Variants in KCNK1 observed in about 807,000 individuals in gnomAD.
KCNK1 encodes the protein potassium two pore domain channel subfamily K member 1, also known as potassium channel subfamily K member 1.
KCNK1 carries 10 observed loss-of-function variants against 22.2 expected under a neutral mutation model. The observed-to-expected ratio is 0.45, with a 90% CI of 0.28 to 0.76. KCNK1 has a LOEUF of 0.76. Ranked by LOEUF, KCNK1 falls within the 30% of genes least tolerant of loss-of-function variation. The pLI, the probability that KCNK1 is intolerant of heterozygous loss-of-function variation, is 0.14. For synonymous variants in KCNK1, 200 were observed against 186.4 expected (o/e 1.07, Z -0.60); for missense variants, 378 against 421.0 (o/e 0.90, Z 0.89).
chr1:233,626,701 G>A (rs567705840), intron 1 of KCNK1, among the ~76,000 whole-genome samples: 13 of 152,126 alleles, frequency 8.5e-5, no homozygotes, highest in African/African-American at 1.2e-4. Flanking sequence ...TAACAACAGC[G>A]TTAAATACTT....
intron 1 of KCNK1, among the ~76,000 whole-genome samples, chr1:233,621,155 A>AGTATTTCAAAATGTGACT (rs1385359196): frequency 6.6e-6 from 1 of 152,236 alleles, no homozygotes. Context: ...TTCTACCCTC[A>AGTATTTCAAAATGTGACT]GTATTTCAAA....
chr1:233,656,603 ATTATT>A (rs1411297564), intron 1 of KCNK1, among the ~76,000 whole-genome samples: 3 of 152,148 alleles, frequency 2.0e-5, no homozygotes, highest in Non-Finnish European at 4.4e-5. Flanking sequence ...CAAAGCTTCA[ATTATT>A]TATTTCTTTA....
chr1:233,628,626 G>C (rs1371109486), intron 1 of KCNK1, among the ~76,000 whole-genome samples: 1 of 152,024 alleles, frequency 6.6e-6, no homozygotes, highest in Admixed American at 6.5e-5. Flanking sequence ...CAGGCGTGGT[G>C]GTGGGTGCCT....
chr1:233,635,676 A>C (rs1299262519), intron 1 of KCNK1, among the ~76,000 whole-genome samples: 1 of 152,168 alleles, frequency 6.6e-6, no homozygotes, highest in Non-Finnish European at 1.5e-5. Context: ...ATTTATTCAT[A>C]CTTGGGCAAA....
At chr1:233,646,135 G>T (rs1465179045) in intron 1 of KCNK1, among the ~76,000 whole-genome samples, 2 of 152,164 alleles carry the variant, frequency 1.3e-5, no homozygotes, top group African/African-American at 4.8e-5. Flanking sequence ...CACATTCAAG[G>T]TGGAAGTTTG....
intron 2 of KCNK1, among the ~76,000 whole-genome samples, chr1:233,667,415 C>T (rs1317893018): frequency 6.6e-6 from 1 of 152,046 alleles, no homozygotes; most frequent in Non-Finnish European, 1.5e-5. Context: ...ATAATGTAGG[C>T]GTTATAAATG....
chr1:233,638,454 A>C (rs1657942912), intron 1 of KCNK1, among the ~76,000 whole-genome samples: 1 of 151,812 alleles, frequency 6.6e-6, no homozygotes, highest in South Asian at 2.1e-4. Context: ...TGTCAACTCA[A>C]GAAATGAGGG....
intron 1 of KCNK1, among the ~76,000 whole-genome samples, chr1:233,659,427 A>AT (rs1287917084): frequency 6.7e-6 from 1 of 149,582 alleles, no homozygotes; most frequent in Non-Finnish European, 1.5e-5. Context: ...TATTTTAAAT[A>AT]TTTTTTATTA....
At chr1:233,641,560 G>A (rs1571896696) in intron 1 of KCNK1, among the ~76,000 whole-genome samples, 2 of 152,150 alleles carry the variant, frequency 1.3e-5, no homozygotes, top group South Asian at 2.1e-4. Flanking sequence ...GGCAGTAAGC[G>A]GATGGGGTGT....
intron 1 of KCNK1, among the ~76,000 whole-genome samples, chr1:233,661,382 C>G (rs1266298915): frequency 6.6e-6 from 1 of 152,190 alleles, no homozygotes; most frequent in East Asian, 1.9e-4. Context: ...CATGTCCCAA[C>G]TAGGAATGCC....
chr1:233,623,289 G>A (rs774723586), intron 1 of KCNK1, among the ~76,000 whole-genome samples: 12 of 152,132 alleles, frequency 7.9e-5, no homozygotes, highest in Admixed American at 1.3e-4. Context: ...GGAAGGGTAC[G>A]GGGAGGGGGG....
intron 1 of KCNK1, among the ~76,000 whole-genome samples, chr1:233,663,580 T>C (rs1236823269): frequency 6.6e-6 from 1 of 152,164 alleles, no homozygotes; most frequent in Non-Finnish European, 1.5e-5. Flanking sequence ...ACAGTTTTAG[T>C]AAAGCTGATT....
At chr1:233,616,445 T>C (rs1657489452) in intron 1 of KCNK1, among the ~76,000 whole-genome samples, 1 of 152,200 alleles carries the variant, frequency 6.6e-6, no homozygotes, top group South Asian at 2.1e-4. Flanking sequence ...GAAAAAGGGA[T>C]AGTTTCTGTT....
At chr1:233,619,487 A>G (rs1214050213) in intron 1 of KCNK1, among the ~76,000 whole-genome samples, 1 of 152,196 alleles carries the variant, frequency 6.6e-6, no homozygotes, top group African/African-American at 2.4e-5. Context: ...CTGCTACAAC[A>G]TAGGTAGTTT....
At chr1:233,666,249 G>A (rs936271782) in intron 1 of KCNK1, among the ~76,000 whole-genome samples, 2 of 152,134 alleles carry the variant, frequency 1.3e-5, no homozygotes, top group Admixed American at 1.3e-4. Flanking sequence ...GGGTAGCCTC[G>A]GATGAGTTTT....
intron 1 of KCNK1, among the ~76,000 whole-genome samples, chr1:233,656,445 G>C (rs1039132916): frequency 4.6e-5 from 7 of 152,150 alleles, no homozygotes; most frequent in Non-Finnish European, 7.3e-5. Context: ...GTTACTGCAG[G>C]CAGTGTCAGC....
At chr1:233,658,783 T>C (rs1015842326) in intron 1 of KCNK1, among the ~76,000 whole-genome samples, 3 of 152,220 alleles carry the variant, frequency 2.0e-5, no homozygotes, top group Admixed American at 1.3e-4. Flanking sequence ...CTAGAAATGA[T>C]ACAGTAAAAA....
chr1:233,661,066 C>T (rs558989319), intron 1 of KCNK1, among the ~76,000 whole-genome samples: 1 of 152,294 alleles, frequency 6.6e-6, no homozygotes, highest in Admixed American at 6.5e-5. Context: ...GCATACACTA[C>T]AGCTTATACA....
At chr1:233,667,496 C>G (rs1039509662) in intron 2 of KCNK1, among the ~76,000 whole-genome samples, 2 of 151,832 alleles carry the variant, frequency 1.3e-5, no homozygotes, top group Non-Finnish European at 2.9e-5. Context: ...TTTGGGAGGC[C>G]GAGGCGGGCG....
Sources: allele counts gnomAD v4.1 joint callset (sites outside exome capture counted in the v4.1 genomes callset), GRCh38; gene constraint gnomAD v4.1.1; transcripts MANE v1.5; gene names NCBI Gene and HGNC (gene_info 2026-07-23, HGNC 2026-07-21).